The following MIS18A variants were observed in gnomAD, a reference collection of about 807,000 sequenced individuals.
The protein encoded by MIS18A is MIS18 kinetochore protein A, also known as protein Mis18-alpha.
In MIS18A, 14 loss-of-function variants were observed where a neutral mutation model predicts 25.0. The ratio of observed to expected loss-of-function variants is 0.56; its 90% confidence interval spans 0.37 to 0.88. The LOEUF (loss-of-function observed/expected upper bound fraction) is 0.88, where lower values mean the gene tolerates loss of function less well. Ranked by LOEUF, MIS18A falls within the 40% of genes least tolerant of loss-of-function variation. The pLI is 0.00. For missense variants in MIS18A, 292 were observed against 290.8 expected (o/e 1.00, Z -0.03); for synonymous variants, 134 against 118.6 (o/e 1.13, Z -0.84).
chr21:32,183,177 T>C, the MIS18A span, among the ~76,000 whole-genome samples: 1,208 of 152,292 alleles, frequency 7.9e-3, 15 homozygotes, highest in African/African-American at 0.023. Flanking sequence ...TCTTAGTCCA[T>C]TGAACCAATG....
chr21:32,246,879 A>G, the MIS18A span, among the ~76,000 whole-genome samples: 1 of 152,160 alleles, frequency 6.6e-6, no homozygotes, highest in African/African-American at 2.4e-5. Flanking sequence ...TCTCTCCAAA[A>G]TATGTGCTGC....
At chr21:32,192,689 C>T in the MIS18A span, among the ~76,000 whole-genome samples, 1 of 152,218 alleles carries the variant, frequency 6.6e-6, no homozygotes, top group Non-Finnish European at 1.5e-5. Context: ...AATATCAACG[C>T]TTCACTTCTC....
the MIS18A span, among the ~76,000 whole-genome samples, chr21:32,254,560 A>G: frequency 1.3e-5 from 2 of 152,200 alleles, no homozygotes. Flanking sequence ...CTGCTTTATA[A>G]CTTTAAATGG....
the MIS18A span, among the ~76,000 whole-genome samples, chr21:32,204,582 G>A: frequency 6.6e-6 from 1 of 152,180 alleles, no homozygotes. Flanking sequence ...ATAGAAACAT[G>A]TAATTGCTAC....
the MIS18A span, among the ~76,000 whole-genome samples, chr21:32,210,056 G>A: frequency 6.6e-6 from 1 of 152,202 alleles, no homozygotes; most frequent in South Asian, 2.1e-4. Flanking sequence ...TCTGAATCAA[G>A]TGCTCCTTTC....
At position 32,269,076 on chromosome 21, in the gene MIS18A, C is replaced by T. The variant is rs749191192; in HGVS notation, c.663G>A (p.Glu221=). 3 of 1,605,314 alleles carry T rather than the reference C, an allele frequency of 1.9e-6. No homozygotes were observed. The highest frequency in any genetic ancestry group is 2.2e-5 in the South Asian group (2 of 89,222). Residue 221 remains glutamate, a synonymous_variant, in exon 5 of 5, where the codon GAG becomes GAA. Transcript: ENST00000290130. ...TGGCAAAGGACAATTTGGATTCGGCCTCCCACAGCTTCATTTGTAATGCTT... is the reference window on the plus strand; with the variant it reads ...TGGCAAAGGACAATTTGGATTCGGCTTCCCACAGCTTCATTTGTAATGCTT... ...VLKALQMKLW[E]AESKLSFATC...
chr21:32,169,479 T>C, the MIS18A span, among the ~76,000 whole-genome samples: 1 of 151,840 alleles, frequency 6.6e-6, no homozygotes, highest in Non-Finnish European at 1.5e-5. Context: ...AAAAGGAAAA[T>C]ATGGAAAACG....
At chr21:32,195,221 C>G in the MIS18A span, among the ~76,000 whole-genome samples, 2 of 152,126 alleles carry the variant, frequency 1.3e-5, no homozygotes, top group Non-Finnish European at 2.9e-5. Flanking sequence ...TTTTGAGATG[C>G]CTGTCTTAAC....
chr21:32,268,867 T>C lies in MIS18A; in HGVS notation c.*170A>G. 2.1e-6 allele frequency: 1 copy of C among 481,792 alleles called. No individual in the cohort carries two copies. The highest frequency in any genetic ancestry group is 3.8e-6 in the Non-Finnish European group (1 of 265,674). 29.8% of individuals were successfully genotyped at this position (481,792 alleles called of 1,614,324 possible). ...CAGTAGTGGCATGACCAAGGCTCAC[T>C]GCAGCCTCAACCTCCCAAGCTCATC... On this transcript the variant is annotated 3_prime_UTR_variant, in exon 5 of 5. Transcript: ENST00000290130.
chr21:32,256,491 C>T, the MIS18A span, among the ~76,000 whole-genome samples: 4 of 152,164 alleles, frequency 2.6e-5, no homozygotes, highest in Admixed American at 1.3e-4. Flanking sequence ...ATAAAAAGTA[C>T]GGTGACACGT....
chr21:32,168,935 G>A, the MIS18A span, among the ~76,000 whole-genome samples: 1 of 152,116 alleles, frequency 6.6e-6, no homozygotes, highest in African/African-American at 2.4e-5. Flanking sequence ...TCAAAGATTG[G>A]TAAGGCACTT....
the MIS18A span, among the ~76,000 whole-genome samples, chr21:32,168,819 T>C: frequency 3.0e-3 from 449 of 151,900 alleles, 2 homozygotes; most frequent in African/African-American, 0.01. Flanking sequence ...AAAAGGAAAA[T>C]AAGAAATAAG....
chr21:32,207,766 A>G, the MIS18A span, among the ~76,000 whole-genome samples: 2 of 152,140 alleles, frequency 1.3e-5, no homozygotes, highest in South Asian at 4.1e-4. Context: ...TTCACCAAAC[A>G]TCTATTAATG....
At chr21:32,266,409 T>C (rs2031601470), downstream of MIS18A, among the ~76,000 whole-genome samples, 1 of 152,096 alleles carries the variant, frequency 6.6e-6, no homozygotes, top group Admixed American at 6.5e-5. Context: ...GGCAACCTGC[T>C]CGGGTCCCCT....
At chr21:32,263,790 G>A (rs539025695), downstream of MIS18A, among the ~76,000 whole-genome samples, 95 of 151,364 alleles carry the variant, frequency 6.3e-4, no homozygotes, top group East Asian at 5.2e-3. Context: ...AAACCCAGCT[G>A]GGGTCGGGGA....
At chr21:32,277,283 T>A (rs936534206) in intron 1 of MIS18A, among the ~76,000 whole-genome samples, 1 of 152,158 alleles carries the variant, frequency 6.6e-6, no homozygotes, top group Non-Finnish European at 1.5e-5. Context: ...AGTCTTTCTA[T>A]AAGTAACGCA....
At chr21:32,164,003 G>A in the MIS18A span, among the ~76,000 whole-genome samples, 1 of 152,068 alleles carries the variant, frequency 6.6e-6, no homozygotes, top group Non-Finnish European at 1.5e-5. Flanking sequence ...AGGCGAGAGA[G>A]AGGAGGTGCC....
At chr21:32,216,247 A>C in the MIS18A span, among the ~76,000 whole-genome samples, 1 of 152,200 alleles carries the variant, frequency 6.6e-6, no homozygotes, top group Non-Finnish European at 1.5e-5. Context: ...CCAGATTTGC[A>C]GTACTCTGGA....
the MIS18A span, among the ~76,000 whole-genome samples, chr21:32,182,589 A>G: frequency 1.3e-5 from 2 of 152,198 alleles, no homozygotes; most frequent in Non-Finnish European, 2.9e-5. Context: ...TGGGCTCGTC[A>G]TAAGTGGGGT....
Sources: gnomAD v4.1 joint callset for allele counts (sites outside exome capture counted in the v4.1 genomes callset) on GRCh38, gnomAD v4.1.1 for gene constraint, MANE v1.5 for transcripts, NCBI Gene and HGNC (gene_info 2026-07-23, HGNC 2026-07-21) for gene names.